CNGA3: variants seen among roughly 807,000 people sequenced by gnomAD.
The protein encoded by CNGA3 is cyclic nucleotide gated channel subunit alpha 3.
Under a neutral mutation model 46.6 loss-of-function variants are expected in CNGA3, and 42 were observed. The ratio of observed to expected loss-of-function variants is 0.90; its 90% CI spans 0.70 to 1.17. The LOEUF (loss-of-function observed/expected upper bound fraction) is 1.17, where lower values mean the gene tolerates loss of function less well. CNGA3 is among the 50% of genes most tolerant of loss of function. The pLI, the probability that CNGA3 is intolerant of heterozygous loss-of-function variation, is 0.00. For synonymous variants in CNGA3, 394 were observed against 369.4 expected (o/e 1.07, Z -0.76); for missense variants, 893 against 890.7 (o/e 1.00, Z -0.03).
At chr2:98,385,568 G>A (rs1439199654) in intron 5 of CNGA3, among the ~76,000 whole-genome samples, 1 of 152,042 alleles carries the variant, frequency 6.6e-6, no homozygotes, top group Non-Finnish European at 1.5e-5. Flanking sequence ...TGAATACTTA[G>A]ATTGATACAA....
rs201877346 is a variant in CNGA3 at position 98,396,612 on chromosome 2, G to T, written c.1442G>T (p.Arg481Leu). 5 of 1,613,872 alleles carry T rather than the reference G, an allele frequency of 3.1e-6. No homozygotes were observed. The African/African-American group carries it at 6.7e-5, about 22-fold the overall frequency. Residue 481 changes from arginine to leucine, a missense_variant, in exon 8 of 8, where the codon CGC becomes CTC. By Grantham distance (102) the Arg-to-Leu change is moderately radical (BLOSUM62 -2). Transcript: ENST00000272602. ...CACCTGGACACGCTGAAGAAGGTTC[G>T]CATCTTCCAGGACTGTGAGGCAGGG... ...NVHLDTLKKV[R>L]IFQDCEAGLL... is the part of the protein sequence containing the mutation.
At position 98,367,176 on chromosome 2, in the gene CNGA3, C is replaced by CCTTT. The variant is rs1369254057; in HGVS notation, c.-37-2763_-37-2762insCTTT. ...ACCTCTGACATCAGCTGTTTTTTTT[C>CCTTT]TTTTTTTTCTTTTTTTTTTTTTTTT... On this transcript the variant is annotated intron_variant, in intron 1 of 7. Coordinates refer to ENST00000272602, the MANE Select transcript of CNGA3 (RefSeq NM_001298.3). 1.8e-3 allele frequency among the ~76,000 whole-genome samples: 210 copies of CCTTT among 115,500 alleles called. 3 individuals are homozygous for CCTTT. The highest frequency in any genetic ancestry group is 4.0e-3 in the South Asian group (15 of 3,752). The allele number at this position is 115,500 out of a possible 152,430, so 75.8% of individuals were successfully genotyped here.
chr2:98,369,239 T>A (rs914133382), intron 1 of CNGA3, among the ~76,000 whole-genome samples: 7 of 152,262 alleles, frequency 4.6e-5, no homozygotes, highest in Non-Finnish European at 7.3e-5. Context: ...AGGTCTTATG[T>A]CGTTCACTGA....
At chr2:98,366,004 T>G (rs6732568) in intron 1 of CNGA3, among the ~76,000 whole-genome samples, 29,215 of 152,238 alleles carry the variant, frequency 0.19, 3,203 homozygotes, top group Non-Finnish European at 0.26. Flanking sequence ...TTTCAGCATT[T>G]TTGGCAGATT....
At position 98,395,935 on chromosome 2, in the gene CNGA3, C is replaced by T. The variant is rs1201293055; in HGVS notation, c.765C>T (p.Ser255=). 1 of 1,614,008 alleles carries T rather than the reference C, an allele frequency of 6.2e-7. No individual in the cohort carries two copies. Among genetic ancestry groups the T allele is most frequent in the Non-Finnish European group, 8.5e-7 (1 of 1,180,026 alleles). ...TTTQFKLDVL[S]LVPTDLAYLK... is the part of the protein sequence containing the mutation. ...CGCAGTTCAAGCTGGATGTGTTGTC[C>T]CTGGTCCCCACCGACCTGGCTTACT... Residue 255 remains serine (S), a synonymous_variant, in exon 8 of 8, where the codon TCC becomes TCT. Transcript: ENST00000272602.
intron 5 of CNGA3, among the ~76,000 whole-genome samples, chr2:98,388,154 G>A (rs1487686484): frequency 1.3e-5 from 2 of 152,066 alleles, no homozygotes; most frequent in Non-Finnish European, 2.9e-5. Context: ...TCTTCAGGAC[G>A]TCTCCACGAC....
At chr2:98,360,043 C>T (rs970971327) in intron 1 of CNGA3, among the ~76,000 whole-genome samples, 3 of 152,210 alleles carry the variant, frequency 2.0e-5, no homozygotes, top group Non-Finnish European at 4.4e-5. Flanking sequence ...GCAGAGACCC[C>T]TCCTGCCCAG....
chr2:98,396,999 A>G lies in CNGA3; in HGVS notation c.1829A>G (p.Asn610Ser). The change falls in exon 8 of 8, where the codon AAC (asparagine) becomes AGC (serine). Residue 610 changes from asparagine (N) to serine (S), a missense_variant. Transcript: ENST00000272602. ...EKGRQILMKDNLIDEELARAG... is the reference protein window; with the variant it reads ...EKGRQILMKDSLIDEELARAG... ...GGACGGCAGATCCTGATGAAAGACA[A>G]CCTGATCGATGAGGAGCTGGCCAGG... 1.2e-6 allele frequency: 2 copies of G among 1,613,982 alleles called. No individual in the cohort carries two copies. The highest frequency in any genetic ancestry group is 1.7e-6 in the Non-Finnish European group (2 of 1,179,944).
chr2:98,383,535 C>A, intron 5 of CNGA3, 94 bp downstream of exon 5: 1 of 1,113,878 alleles, frequency 9.0e-7, no homozygotes, highest in Non-Finnish European at 1.4e-6. Flanking sequence ...AGTGCTCCTG[C>A]TCCCCACTCC....
At chr2:98,365,399 C>A (rs373990448) in intron 1 of CNGA3, among the ~76,000 whole-genome samples, 1 of 148,982 alleles carries the variant, frequency 6.7e-6, no homozygotes, top group Non-Finnish European at 1.5e-5. Context: ...TTGATCTTCT[C>A]ATGGAGTACC....
intron 2 of CNGA3, among the ~76,000 whole-genome samples, chr2:98,371,300 C>T (rs1176942068): frequency 1.3e-5 from 2 of 152,198 alleles, no homozygotes; most frequent in Non-Finnish European, 2.9e-5. Flanking sequence ...GTCCCCACCT[C>T]CCTGCACTGG....
rs150747617 is a variant in CNGA3 at position 98,358,874 on chromosome 2, C to T, written c.-37-11065C>T. ...ACATAGAATTAAAAGGGAAACTTGG[C>T]TCACTCCTAAACCTTGAGGGACTTG... On this transcript the variant is annotated intron_variant, in intron 1 of 7. Transcript: ENST00000272602. Among the ~76,000 whole-genome samples the T allele has an allele frequency of 8.4e-3, 1,274 of 152,320 alleles. 9 individuals carry two copies. Among genetic ancestry groups the T allele is most frequent in the Non-Finnish European group, 0.014 (948 of 68,024 alleles).
At chr2:98,382,393 G>T (rs1390280523) in intron 4 of CNGA3, among the ~76,000 whole-genome samples, 2 of 152,202 alleles carry the variant, frequency 1.3e-5, no homozygotes, top group Admixed American at 1.3e-4. Flanking sequence ...CAGTTCCTGG[G>T]AGATTTTCAG....
At chr2:98,391,823 AAC>A in intron 6 of CNGA3, 39 bp from the exon 7 acceptor site, 1 of 1,601,848 alleles carries the variant, frequency 6.2e-7, no homozygotes, top group South Asian at 1.1e-5. Context: ...ACGCTCCAGA[AAC>A]ACACGCACAG....
At position 98,394,031 on chromosome 2, in the gene CNGA3, G is replaced by A. The variant is rs574005070; in HGVS notation, c.674-1813G>A. 4.0e-5 allele frequency among the ~76,000 whole-genome samples: 6 copies of A among 150,970 alleles called. No individual in the cohort carries two copies. The East Asian group carries it at 7.8e-4, about 20-fold the overall frequency. ...AGTCTAGCCTCGGTGGCCTGGACCC[G>A]CAGCCCTAGCATCACCTGGAACTTG... On this transcript the variant is annotated intron_variant, in intron 7 of 7. Coordinates refer to ENST00000272602, the MANE Select transcript of CNGA3 (RefSeq NM_001298.3).
At chr2:98,370,386 G>A (rs570717694) in intron 2 of CNGA3, among the ~76,000 whole-genome samples, 1 of 152,330 alleles carries the variant, frequency 6.6e-6, no homozygotes, top group African/African-American at 2.4e-5. Flanking sequence ...TCCTCAAACT[G>A]ACACACTCTC....
intron 3 of CNGA3, chr2:98,379,923 T>A (rs780025413): frequency 1.2e-5 from 7 of 573,192 alleles, no homozygotes; most frequent in Non-Finnish European, 2.2e-5. Context: ...AAAGAGAGTG[T>A]CCCTTTCCGG....
chr2:98,390,660 C>T (rs959107309), intron 6 of CNGA3, among the ~76,000 whole-genome samples: 1 of 151,998 alleles, frequency 6.6e-6, no homozygotes, highest in Admixed American at 6.5e-5. Context: ...TGGGGGCTGG[C>T]GGGGACTTTG....
At chr2:98,347,471 T>C (rs1205941792) in intron 1 of CNGA3, among the ~76,000 whole-genome samples, 1 of 152,196 alleles carries the variant, frequency 6.6e-6, no homozygotes, top group Non-Finnish European at 1.5e-5. Context: ...TGATTCATTT[T>C]TCTCCCTGTG....
Sources: allele counts gnomAD v4.1 joint callset (sites outside exome capture counted in the v4.1 genomes callset), GRCh38; gene constraint gnomAD v4.1.1; transcripts MANE v1.5; gene names NCBI Gene and HGNC (gene_info 2026-07-23, HGNC 2026-07-21).